SGCZ: variants seen among roughly 807,000 people sequenced by gnomAD.
SGCZ encodes the protein sarcoglycan zeta.
A neutral mutation model predicts 41.3 loss-of-function variants in SGCZ; 40 were observed. That is an observed-to-expected ratio of 0.97 (90% CI 0.75 to 1.26). The LOEUF (loss-of-function observed/expected upper bound fraction) is 1.26. SGCZ is among the 50% of genes most tolerant of loss of function. SGCZ has a pLI of 0.00. For synonymous variants in SGCZ, 206 were observed against 137.5 expected, an observed-to-expected ratio of 1.50 and a Z score of -3.49; for missense variants, 552 against 369.8, an observed-to-expected ratio of 1.49 and a Z score of -4.04.
intron 5 of SGCZ, among the ~76,000 whole-genome samples, chr8:14,125,334 T>C (rs2117044467): frequency 6.6e-6 from 1 of 152,022 alleles, no homozygotes; most frequent in East Asian, 1.9e-4. Context: ...AAACCCCGTC[T>C]TTACTAAAAA....
At chr8:15,038,243 G>A (rs1343264274) in intron 1 of SGCZ, among the ~76,000 whole-genome samples, 5 of 152,056 alleles carry the variant, frequency 3.3e-5, no homozygotes, top group Admixed American at 6.6e-5. Context: ...GCATGGTAGT[G>A]GCATAGAAAC....
intron 1 of SGCZ, among the ~76,000 whole-genome samples, chr8:15,074,769 T>C (rs1280764761): frequency 1.3e-5 from 2 of 152,160 alleles, no homozygotes; most frequent in African/African-American, 2.4e-5. Context: ...CCTCCTCCTC[T>C]TGGAATACAT....
intron 3 of SGCZ, among the ~76,000 whole-genome samples, chr8:14,290,814 T>C (rs982782540): frequency 2.0e-5 from 3 of 152,106 alleles, no homozygotes; most frequent in African/African-American, 7.2e-5. Context: ...AGAACTACCA[T>C]ATGAACCAAC....
At chr8:15,149,460 T>C (rs1049296470) in intron 1 of SGCZ, among the ~76,000 whole-genome samples, 31 of 152,106 alleles carry the variant, frequency 2.0e-4, no homozygotes, top group African/African-American at 7.2e-4. Context: ...TGAATTAAAA[T>C]GCACCAAAAA....
At position 15,211,279 on chromosome 8, in the gene SGCZ, G is replaced by GC. The variant is rs1358493959; in HGVS notation, c.39+26305dup. ...CCACAAGTAACAGACACTACTGGTT[G>GC]CCTAAAAAAAAAAAGTCCTTTACTT... On this transcript the variant is annotated intron_variant, in intron 1 of 7. Transcript: ENST00000382080. 3.8e-4 allele frequency among the ~76,000 whole-genome samples: 22 copies of GC among 57,786 alleles called. No homozygotes were observed. In the South Asian group the frequency reaches 0.014, roughly 36 times the overall value. 37.9% of individuals were successfully genotyped at this position (57,786 alleles called of 152,430 possible). A position where few individuals can be genotyped will look rare whatever the true frequency, so the allele number is the denominator to read the frequency against.
chr8:15,193,807 T>C (rs1307568363), intron 1 of SGCZ, among the ~76,000 whole-genome samples: 1 of 152,182 alleles, frequency 6.6e-6, no homozygotes, highest in Non-Finnish European at 1.5e-5. Context: ...ACGTAATCAA[T>C]AATTTAGCCA....
chr8:14,408,209 C>G (rs142268339), intron 2 of SGCZ, among the ~76,000 whole-genome samples: 2 of 152,104 alleles, frequency 1.3e-5, no homozygotes, highest in African/African-American at 4.8e-5. Context: ...GAAATCATCA[C>G]GATATAGGGC....
intron 1 of SGCZ, among the ~76,000 whole-genome samples, chr8:14,911,185 G>A (rs997930531): frequency 1.3e-5 from 2 of 152,052 alleles, no homozygotes; most frequent in Admixed American, 6.6e-5. Context: ...GGCTGTGGCA[G>A]GGCTGTAATT....
intron 1 of SGCZ, among the ~76,000 whole-genome samples, chr8:14,683,037 T>G (rs745736281): frequency 6.6e-6 from 1 of 152,134 alleles, no homozygotes; most frequent in Non-Finnish European, 1.5e-5. Flanking sequence ...GTGTCAAATA[T>G]TTCTATAAGG....
At chr8:14,749,853 A>T (rs995377563) in intron 1 of SGCZ, among the ~76,000 whole-genome samples, 2 of 152,152 alleles carry the variant, frequency 1.3e-5, no homozygotes, top group African/African-American at 2.4e-5. Flanking sequence ...TTATCCTTGA[A>T]ATCTCAACAT....
chr8:14,569,711 A>G (rs1804492546), intron 1 of SGCZ, among the ~76,000 whole-genome samples: 1 of 152,194 alleles, frequency 6.6e-6, no homozygotes, highest in Non-Finnish European at 1.5e-5. Flanking sequence ...AAGTGTTATA[A>G]TTTAGATAGG....
intron 1 of SGCZ, among the ~76,000 whole-genome samples, chr8:15,178,803 A>C (rs200478716): frequency 1.8e-5 from 1 of 56,204 alleles, no homozygotes; most frequent in Non-Finnish European, 5.8e-5. Context: ...GCAGGGAAGG[A>C]AAAAAACTAG....
intron 1 of SGCZ, among the ~76,000 whole-genome samples, chr8:14,606,680 G>C (rs1156534013): frequency 6.6e-6 from 1 of 152,112 alleles, no homozygotes; most frequent in Non-Finnish European, 1.5e-5. Context: ...GAAATGAAAA[G>C]TCCACAGGTA....
chr8:15,126,394 C>T (rs1244288332), intron 1 of SGCZ, among the ~76,000 whole-genome samples: 2 of 152,062 alleles, frequency 1.3e-5, no homozygotes, highest in African/African-American at 4.8e-5. Context: ...AAATAAGCTT[C>T]GGATTCATTA....
At chr8:14,450,981 T>C (rs1800576780) in intron 2 of SGCZ, among the ~76,000 whole-genome samples, 1 of 152,168 alleles carries the variant, frequency 6.6e-6, no homozygotes, top group African/African-American at 2.4e-5. Context: ...CCCATTATGA[T>C]TCAATGTGCT....
intron 1 of SGCZ, among the ~76,000 whole-genome samples, chr8:14,704,092 G>A (rs1016302409): frequency 6.6e-6 from 1 of 152,020 alleles, no homozygotes; most frequent in Non-Finnish European, 1.5e-5. Flanking sequence ...CAGGAATCAT[G>A]TCCGTTACGA....
chr8:14,318,424 C>CA (rs373364627), intron 3 of SGCZ, among the ~76,000 whole-genome samples: 1 of 151,448 alleles, frequency 6.6e-6, no homozygotes, highest in Non-Finnish European at 1.5e-5. Flanking sequence ...AAGCAGAAGT[C>CA]AAAAAAAAGA....
chr8:15,138,512 G>T (rs927601923), intron 1 of SGCZ, among the ~76,000 whole-genome samples: 1 of 152,080 alleles, frequency 6.6e-6, no homozygotes, highest in Non-Finnish European at 1.5e-5. Flanking sequence ...CGGGTCATGG[G>T]AGGGACCAGT....
intron 1 of SGCZ, among the ~76,000 whole-genome samples, chr8:14,616,213 G>C (rs937837876): frequency 1.4e-4 from 21 of 151,920 alleles, no homozygotes; most frequent in Admixed American, 1.3e-3. Flanking sequence ...AACCCAGGAG[G>C]CGGAACTTGC....
Sources: gnomAD v4.1 joint callset for allele counts (sites outside exome capture counted in the v4.1 genomes callset) on GRCh38, gnomAD v4.1.1 for gene constraint, MANE v1.5 for transcripts, NCBI Gene and HGNC (gene_info 2026-07-23, HGNC 2026-07-21) for gene names.